Variants in KIF17 observed in about 807,000 individuals in gnomAD.
KIF17 encodes the protein kinesin family member 17.
Under a neutral mutation model 96.8 loss-of-function variants are expected in KIF17, and 80 were observed. That is an observed-to-expected ratio of 0.83 (90% CI 0.69 to 1.00). The LOEUF (loss-of-function observed/expected upper bound fraction) is 1.00. Among genes scored for constraint, KIF17 ranks in the 50% least tolerant of loss-of-function variants. KIF17 has a pLI of 0.00. For missense variants in KIF17, 1,280 were observed against 1,372.9 expected (o/e 0.93, Z 1.07); for synonymous variants, 567 against 587.5 (o/e 0.97, Z 0.51).
intron 2 of KIF17, 70 bp downstream of exon 2, chr1:20,715,423 C>T: frequency 6.3e-7 from 1 of 1,590,170 alleles, no homozygotes; most frequent in Non-Finnish European, 8.5e-7. Flanking sequence ...CGTGTCTCTG[C>T]CACCTGTCAG....
chr1:20,673,216 A>C (rs558867987), intron 11 of KIF17, among the ~76,000 whole-genome samples: 417 of 152,092 alleles, frequency 2.7e-3, no homozygotes, highest in African/African-American at 9.5e-3. Flanking sequence ...TCTGTCTCAA[A>C]ATAAATAAAT....
Position 20,690,342 on chromosome 1 carries a change from G to A in KIF17, c.1234-7C>T. On this transcript the variant is annotated splice_polypyrimidine_tract_variant and splice_region_variant and intron_variant, in intron 6 of 14. Coordinates refer to ENST00000400463, the MANE Select transcript of KIF17 (RefSeq NM_001122819.3). ...CCAGGCGCTCTTCATACTCCTGGGG[G>A]GGTGGGAGGGACCAGAGGGCAGGCA... The A allele has an allele frequency of 1.9e-6, 3 of 1,597,518 alleles. No individual in the cohort carries two copies. The highest frequency in any genetic ancestry group is 2.2e-5 in the South Asian group (2 of 90,490).
rs1157034463 is a variant in KIF17, at chr1:20,700,583, A to G, written c.1124-2095T>C. Among the ~76,000 whole-genome samples, 1 of 152,176 alleles carries G rather than the reference A, an allele frequency of 6.6e-6. No homozygotes were observed. Among genetic ancestry groups the G allele is most frequent in the Non-Finnish European group, 1.5e-5 (1 of 68,034 alleles). On this transcript the variant is annotated intron_variant, in intron 5 of 14. Transcript: ENST00000400463. This position sits in a 1 kb window ranked among gnomAD's most constrained non-coding sequence, Gnocchi z 4.6. The stretch of plus-strand genomic sequence containing the variant: ...ATGTTGGGTTTGAAATGCTTATTAC[A>G]CAGCTACAGATTCAAGTCCGGAATT...
intron 1 of KIF17, 34 bp from the exon 2 acceptor site, chr1:20,715,673 T>A (rs1332017504): frequency 6.2e-7 from 1 of 1,613,256 alleles, no homozygotes; most frequent in Non-Finnish European, 8.5e-7. Context: ...CCGTGCTCAG[T>A]GGAGCAGGCA....
In KIF17 at chr1:20,685,089, G is replaced by A. The variant is rs777749707; in HGVS notation, c.2020-69C>T. On this transcript the variant is annotated intron_variant, in intron 9 of 14. Transcript: ENST00000400463. This position sits in a 1 kb window ranked among gnomAD's most constrained non-coding sequence, Gnocchi z 4.1. ...CAACCCCCGCCGACAGCTCCCAGGT[G>A]GCTCAATCCCAGACGGGGCCATTCC... 7.6e-7 allele frequency: 1 copy of A among 1,311,014 alleles called. No individual in the cohort carries two copies. Among genetic ancestry groups the A allele is most frequent in the Non-Finnish European group, 1.1e-6 (1 of 928,172 alleles). The allele number at this position is 1,311,014 out of a possible 1,614,324, so 81.2% of individuals were successfully genotyped here. A position where few individuals can be genotyped will look rare whatever the true frequency, so the allele number is the denominator to read the frequency against.
intron 10 of KIF17, 80 bp from the exon 11 acceptor site, chr1:20,682,964 T>A: frequency 7.8e-7 from 1 of 1,276,610 alleles, no homozygotes; most frequent in East Asian, 2.3e-5. Flanking sequence ...CTCCAGGCTA[T>A]GCGTGGGCCC....
In KIF17 at chr1:20,687,766, C is replaced by T. The variant is rs1194049271; in HGVS notation, c.1560G>A (p.Arg520=). ...DDVSKTQVSS[R]FAELPKVEPS... ...GTTCCACCTTGGGCAGCTCCGCAAA[C>T]CTGGAGGAAACCTGAGTCTTGGAGA... The change falls in exon 8 of 15, where the codon AGG becomes AGA. Residue 520 remains arginine, a synonymous_variant. Coordinates refer to ENST00000400463, the MANE Select transcript of KIF17 (RefSeq NM_001122819.3). The surrounding 1 kb of genome is among the most constrained non-coding windows in gnomAD (Gnocchi z 4.4). 1.9e-6 allele frequency: 3 copies of T among 1,614,076 alleles called. No homozygotes were observed. Among genetic ancestry groups the T allele is most frequent in the South Asian group, 1.1e-5 (1 of 91,090 alleles).
chr1:20,703,173 G>GGA (rs1227096037), intron 5 of KIF17, among the ~76,000 whole-genome samples: 2 of 136,274 alleles, frequency 1.5e-5, no homozygotes. Context: ...GGAGATGGAT[G>GGA]GATGAATGGA....
rs1300330264 is a variant in KIF17 at position 20,717,619 on chromosome 1, C to G, written c.88G>C (p.Val30Leu). The G allele has an allele frequency of 6.2e-7, 1 of 1,609,790 alleles. No individual in the cohort carries two copies. The highest frequency in any genetic ancestry group is 8.5e-7 in the Non-Finnish European group (1 of 1,179,278). The change falls in exon 1 of 15, where the codon GTG (valine) becomes CTG (leucine). Residue 30 changes from valine (V) to leucine (L), a missense_variant. By Grantham distance (32) the Val-to-Leu change is conservative. Transcript: ENST00000400463. ...RELRCQPVVT[V>L]DCARAQCCIQ... ...CAGCACTGGGCGCGCGCGCAGTCCA[C>G]AGTCACCACGGGCTGGCAGCGCAGC...
chr1:20,696,274 C>T (rs1448391821), intron 6 of KIF17, among the ~76,000 whole-genome samples: 1 of 152,026 alleles, frequency 6.6e-6, no homozygotes, highest in African/African-American at 2.4e-5. Context: ...AAGGGAAACA[C>T]GGTCCCAGGA....
At chr1:20,664,807 G>C (rs764810394) in intron 14 of KIF17, 45 bp from the exon 15 acceptor site, 2 of 1,577,754 alleles carry the variant, frequency 1.3e-6, no homozygotes, top group African/African-American at 2.7e-5. Flanking sequence ...GGAGCGCAGG[G>C]ATGGAGAGAA....
chr1:20,681,367 T>G (rs1334200539), intron 11 of KIF17, among the ~76,000 whole-genome samples: 2 of 151,678 alleles, frequency 1.3e-5, no homozygotes, highest in Non-Finnish European at 2.9e-5. Flanking sequence ...TTTTGTATTT[T>G]TTTTAGTAGA....
At chr1:20,690,461 G>C (rs2054019498) in intron 6 of KIF17, 126 bp from the exon 7 acceptor site, 5 of 790,254 alleles carry the variant, frequency 6.3e-6, no homozygotes, top group African/African-American at 1.7e-5. Context: ...AGAATCCAAT[G>C]GTACAACACT....
At chr1:20,697,789 C>A (rs563866595) in intron 6 of KIF17, among the ~76,000 whole-genome samples, 1 of 152,232 alleles carries the variant, frequency 6.6e-6, no homozygotes, top group African/African-American at 2.4e-5. Context: ...GTGGAAGTCC[C>A]GCTCTGGGGA....
intron 7 of KIF17, among the ~76,000 whole-genome samples, chr1:20,689,738 T>C (rs1001416287): frequency 6.6e-6 from 1 of 152,276 alleles, no homozygotes; most frequent in South Asian, 2.1e-4. Flanking sequence ...ATCCTTATTA[T>C]GGAATGTGTT....
In KIF17 at chr1:20,715,481, C is replaced by G; in HGVS notation, c.378+12G>C. 4 of 1,610,950 alleles carry G rather than the reference C, an allele frequency of 2.5e-6. No homozygotes were observed. The highest frequency in any genetic ancestry group is 3.4e-6 in the Non-Finnish European group (4 of 1,179,970). On this transcript the variant is annotated intron_variant, in intron 2 of 14. Transcript: ENST00000400463. ...GCTCTGGCCCTGCCCCTTCCCTCTGCGAGGCCCGTACCTGGACGCTCTCGA... is the reference window on the plus strand; with the variant it reads ...GCTCTGGCCCTGCCCCTTCCCTCTGGGAGGCCCGTACCTGGACGCTCTCGA...
chr1:20,679,297 C>T (rs890798052), intron 11 of KIF17, among the ~76,000 whole-genome samples: 1 of 151,948 alleles, frequency 6.6e-6, no homozygotes, highest in African/African-American at 2.4e-5. Flanking sequence ...ATAGCAAGAC[C>T]CCTCCGCTAC....
chr1:20,685,225 A>T lies in KIF17; in HGVS notation c.2020-205T>A. 1 of 696,300 alleles carries T rather than the reference A, an allele frequency of 1.4e-6. No homozygotes were observed. The highest frequency in any genetic ancestry group is 2.0e-5 in the Admixed American group (1 of 49,666). 43.1% of individuals were successfully genotyped at this position (696,300 alleles called of 1,614,324 possible). A position where few individuals can be genotyped will look rare whatever the true frequency, so the allele number is the denominator to read the frequency against. ...TTCCCACTGACACCCCCACGCTAGG[A>T]GGAAGGCTCCCAGCTTCCTCTCTCA... On this transcript the variant is annotated intron_variant, in intron 9 of 14. Coordinates refer to ENST00000400463, the MANE Select transcript of KIF17 (RefSeq NM_001122819.3). The surrounding 1 kb of genome is among the most constrained non-coding windows in gnomAD (Gnocchi z 4.1).
chr1:20,696,477 A>G (rs1444591068), intron 6 of KIF17, among the ~76,000 whole-genome samples: 1 of 152,114 alleles, frequency 6.6e-6, no homozygotes, highest in Admixed American at 6.5e-5. Context: ...ACTCTGACGC[A>G]GTGTCCACTA....
Sources: gnomAD v4.1 joint callset for allele counts (sites outside exome capture counted in the v4.1 genomes callset) on GRCh38, gnomAD v4.1.1 for gene constraint, Gnocchi (gnomAD v3.1) non-coding constraint, MANE v1.5 for transcripts, NCBI Gene and HGNC (gene_info 2026-07-23, HGNC 2026-07-21) for gene names.